The following PLCB4 variants were observed in gnomAD, a reference collection of about 807,000 sequenced individuals.
PLCB4 encodes 1-phosphatidylinositol 4,5-bisphosphate phosphodiesterase beta-4.
A neutral mutation model predicts 178.8 loss-of-function variants in PLCB4; 77 were observed. That is an observed-to-expected ratio of 0.43 (90% CI 0.36 to 0.52). PLCB4 has a LOEUF of 0.52. PLCB4 is among the 20% of genes least tolerant of loss of function. The pLI is 0.00. For missense variants in PLCB4, 1,024 were observed against 1,453.4 expected (o/e 0.70, Z 4.80); for synonymous variants, 496 against 490.8 (o/e 1.01, Z -0.14).
At chr20:9,116,579 G>A (rs184496353) in intron 2 of PLCB4, among the ~76,000 whole-genome samples, 2 of 152,314 alleles carry the variant, frequency 1.3e-5, no homozygotes, top group Admixed American at 1.3e-4. Flanking sequence ...CCCTTAGGCT[G>A]TAGGAGCCTC....
chr20:9,355,354 T>G (rs2034706984), intron 7 of PLCB4, among the ~76,000 whole-genome samples: 2 of 152,096 alleles, frequency 1.3e-5, no homozygotes, highest in South Asian at 4.1e-4. Flanking sequence ...GCAGGTTAGT[T>G]ACATATGTAT....
chr20:9,475,706 C>T (rs1432871341), intron 38 of PLCB4, among the ~76,000 whole-genome samples: 1 of 152,172 alleles, frequency 6.6e-6, no homozygotes. Context: ...AATCCCAGAT[C>T]TTTCTAGTAT....
intron 1 of PLCB4, among the ~76,000 whole-genome samples, chr20:9,094,165 T>C (rs901328342): frequency 2.6e-5 from 4 of 152,174 alleles, no homozygotes; most frequent in Admixed American, 2.6e-4. Context: ...TGTATTTAAC[T>C]ACCTACAATT....
chr20:9,197,866 T>C (rs1253904443), intron 2 of PLCB4, among the ~76,000 whole-genome samples: 3 of 152,070 alleles, frequency 2.0e-5, no homozygotes, highest in African/African-American at 7.2e-5. Flanking sequence ...TCCCAGCTAC[T>C]TGGGAGGCTG....
chr20:9,350,166 C>T (rs989525888), intron 7 of PLCB4, among the ~76,000 whole-genome samples: 24 of 151,254 alleles, frequency 1.6e-4, no homozygotes, highest in African/African-American at 5.8e-4. Flanking sequence ...AAAAAAAAAA[C>T]AGGAAAACTA....
chr20:9,476,715 A>T lies in PLCB4; in HGVS notation c.3496-2A>T. The T allele has an allele frequency of 6.2e-7, 1 of 1,603,878 alleles. No individual in the cohort carries two copies. Among genetic ancestry groups the T allele is most frequent in the Non-Finnish European group, 8.5e-7 (1 of 1,170,916 alleles). ...TTGACATTACTATTTTTGTACAAAC[A>T]GCTTTTGAAATCCTGTCATGCAGTG... On this transcript the variant is annotated splice_acceptor_variant, in intron 38 of 39. Transcript: ENST00000378473. LOFTEE classifies it high-confidence loss of function.
chr20:9,464,901 A>G (rs1411463924), intron 35 of PLCB4, among the ~76,000 whole-genome samples: 1 of 152,230 alleles, frequency 6.6e-6, no homozygotes, highest in Non-Finnish European at 1.5e-5. Context: ...CAATCAACAG[A>G]AAAAGAGGGA....
At chr20:9,205,747 A>C (rs960639239) in intron 2 of PLCB4, among the ~76,000 whole-genome samples, 6 of 152,146 alleles carry the variant, frequency 3.9e-5, no homozygotes, top group Admixed American at 3.9e-4. Flanking sequence ...CATCCCAAGG[A>C]TCTCTGTGCC....
intron 2 of PLCB4, among the ~76,000 whole-genome samples, chr20:9,190,367 C>T (rs113281069): frequency 1.7e-3 from 260 of 152,268 alleles, no homozygotes; most frequent in African/African-American, 5.9e-3. Flanking sequence ...TTATAAGGTG[C>T]TCTTGTGCCT....
At chr20:9,091,296 A>C (rs1011669190) in intron 1 of PLCB4, among the ~76,000 whole-genome samples, 5 of 152,042 alleles carry the variant, frequency 3.3e-5, no homozygotes, top group African/African-American at 4.8e-5. Flanking sequence ...GAAAGTCACT[A>C]TCTGGGTCAT....
chr20:9,397,780 C>T (rs2038713974), intron 19 of PLCB4, among the ~76,000 whole-genome samples: 2 of 152,114 alleles, frequency 1.3e-5, no homozygotes, highest in South Asian at 2.1e-4. Context: ...AGTTGATACT[C>T]GTTATTATGG....
intron 2 of PLCB4, among the ~76,000 whole-genome samples, chr20:9,112,105 C>G (rs1386092419): frequency 6.6e-6 from 1 of 152,048 alleles, no homozygotes; most frequent in Non-Finnish European, 1.5e-5. Context: ...CAAAAATATC[C>G]TTAACTCTTA....
rs369730584 is a variant in PLCB4, at chr20:9,384,400, G to C, written c.1053G>C (p.Leu351=). Residue 351 remains leucine, a synonymous_variant, in exon 14 of 40, where the codon CTG becomes CTC. Coordinates refer to ENST00000378473, the MANE Select transcript of PLCB4 (RefSeq NM_001377142.1). ...SSVEMYRQVL[L]AGCRCVELDC... is the part of the protein sequence containing the mutation. ...TAGAAATGTACAGACAGGTTCTCCT[G>C]GCTGGTTGCAGGTGAGGAACTCAAG... is the stretch of plus-strand genomic sequence containing the variant. 8 of 1,613,804 alleles carry C rather than the reference G, an allele frequency of 5.0e-6. No homozygotes were observed. In the African/African-American group the frequency reaches 1.1e-4, roughly 22 times the overall value.
intron 28 of PLCB4, among the ~76,000 whole-genome samples, chr20:9,431,909 A>G (rs565119016): frequency 2.0e-5 from 3 of 152,350 alleles, no homozygotes; most frequent in South Asian, 2.1e-4. Context: ...TATCAGGCAT[A>G]TGAGTTATAT....
At chr20:9,264,288 A>G (rs1161093210) in intron 3 of PLCB4, among the ~76,000 whole-genome samples, 2 of 152,172 alleles carry the variant, frequency 1.3e-5, no homozygotes, top group East Asian at 3.8e-4. Context: ...GGCCCTGGGA[A>G]CTAATGTGTG....
chr20:9,172,678 C>T (rs763390195), intron 2 of PLCB4, among the ~76,000 whole-genome samples: 18 of 151,930 alleles, frequency 1.2e-4, no homozygotes, highest in Non-Finnish European at 2.2e-4. Flanking sequence ...TATTGTTGGC[C>T]GAGTGCCTGA....
chr20:9,324,572 G>A (rs1026763174), intron 4 of PLCB4, among the ~76,000 whole-genome samples: 1 of 152,144 alleles, frequency 6.6e-6, no homozygotes, highest in Non-Finnish European at 1.5e-5. Context: ...GTTTCTAGAT[G>A]GAGAAGCCCT....
chr20:9,069,516 T>A (rs1475689731), intron 1 of PLCB4, among the ~76,000 whole-genome samples: 1 of 152,210 alleles, frequency 6.6e-6, no homozygotes, highest in Non-Finnish European at 1.5e-5. Context: ...TTGGAAATAG[T>A]TGGCACCGTG....
In PLCB4 at chr20:9,436,007, T is replaced by TG. The variant is rs569480291; in HGVS notation, c.2613+360dup. Among the ~76,000 whole-genome samples, 509 of 152,352 alleles carry TG rather than the reference T, an allele frequency of 3.3e-3. 3 individuals carry two copies. Among genetic ancestry groups the TG allele is most frequent in the African/African-American group, 0.012 (479 of 41,584 alleles). ...AAAAGTTCCAAAATTCAAAACCTTT[T>TG]GAGTGCTGACATTGGATAGTCATAC... On this transcript the variant is annotated intron_variant, in intron 29 of 39. Coordinates refer to ENST00000378473, the MANE Select transcript of PLCB4 (RefSeq NM_001377142.1).
Sources: allele counts gnomAD v4.1 joint callset (sites outside exome capture counted in the v4.1 genomes callset), GRCh38; gene constraint gnomAD v4.1.1; transcripts MANE v1.5; gene names NCBI Gene and HGNC (gene_info 2026-07-23, HGNC 2026-07-21).